Variants in FANCD2OS observed in about 807,000 individuals in gnomAD.
FANCD2OS encodes the protein FANCD2 opposite strand protein.
FANCD2OS carries 11 observed loss-of-function variants against 13.2 expected under a neutral mutation model. That is an observed-to-expected ratio of 0.83 (90% CI 0.52 to 1.38). FANCD2OS has a LOEUF of 1.38. Among genes scored for constraint, FANCD2OS ranks in the 40% most tolerant of loss-of-function variants. The pLI is 0.00. For synonymous variants in FANCD2OS, 69 were observed against 84.5 expected (o/e 0.82, Z 1.01); for missense variants, 217 against 213.9 (o/e 1.01, Z -0.09).
Position 10,095,321 on chromosome 3 carries a change from T to G in FANCD2OS, c.*43+8877A>C, listed in dbSNP as rs754430808. On this transcript the variant is annotated intron_variant, in intron 2 of 2. Transcript: ENST00000524279. ...ATCAGCAGCCTGCCTGTTGGCTTAA[T>G]CTGCAGTTGCTATTGGGGGATCCAT... is the stretch of plus-strand genomic sequence containing the variant. 22 of 1,484,672 alleles carry G rather than the reference T, an allele frequency of 1.5e-5. No individual in the cohort carries two copies. The East Asian group carries it at 5.0e-4, about 34-fold the overall frequency. 92.0% of individuals were successfully genotyped at this position (1,484,672 alleles called of 1,614,324 possible). A position where few individuals can be genotyped will look rare whatever the true frequency, so the allele number is the denominator to read the frequency against.
downstream of FANCD2OS, chr3:10,101,374 CCT>C (rs376489415): frequency 5.2e-6 from 3 of 577,302 alleles, no homozygotes; most frequent in East Asian, 3.2e-5. Context: ...CTTTTTTGTT[CCT>C]CTTTTTTTTT....
chr3:10,084,566 C>T (rs1694064922), intron 2 of FANCD2OS, among the ~76,000 whole-genome samples: 1 of 152,214 alleles, frequency 6.6e-6, no homozygotes, highest in African/African-American at 2.4e-5. Flanking sequence ...TCCCAAAGTG[C>T]TGGCATTAGA....
At chr3:10,084,437 G>A (rs1575832685) in intron 2 of FANCD2OS, among the ~76,000 whole-genome samples, 1 of 151,650 alleles carries the variant, frequency 6.6e-6, no homozygotes, top group Admixed American at 6.6e-5. Context: ...CTGCAGGCAT[G>A]TACCACCATG....
At chr3:10,099,392 G>A (rs1575879785), downstream of FANCD2OS, 7 of 1,070,494 alleles carry the variant, frequency 6.5e-6, no homozygotes, top group South Asian at 1.7e-4. Context: ...TGAGGCCAAG[G>A]TAGGAGGATT....
intron 2 of FANCD2OS, among the ~76,000 whole-genome samples, chr3:10,087,670 CAG>C (rs1694301441): frequency 6.0e-5 from 9 of 151,234 alleles, no homozygotes; most frequent in Admixed American, 4.6e-4. Context: ...TTTTTTGAGA[CAG>C]AGTCTCGTTC....
intron 1 of FANCD2OS, among the ~76,000 whole-genome samples, chr3:10,105,766 AAAAAATTATATATATATATAT>A (rs1419606717): frequency 1.0e-4 from 6 of 58,720 alleles, no homozygotes; most frequent in African/African-American, 7.3e-4. Context: ...AAAAAAAAAA[AAAAAATTATATATATATATAT>A]ATATATATAT....
downstream of FANCD2OS, chr3:10,101,439 G>T: frequency 3.6e-6 from 2 of 561,858 alleles, no homozygotes; most frequent in Non-Finnish European, 6.3e-6. Context: ...AGGCTGGAGT[G>T]CAGTGCTGCA....
downstream of FANCD2OS, chr3:10,103,056 A>G (rs940092392): frequency 1.4e-4 from 64 of 442,778 alleles, 1 homozygote; most frequent in Admixed American, 1.6e-3. Flanking sequence ...CAGGAGTTCA[A>G]GACCAGCTTG....
Position 10,081,522 on chromosome 3 carries a change from C to A in FANCD2OS, c.*53G>T. On this transcript the variant is annotated 3_prime_UTR_variant, in exon 3 of 3. Coordinates refer to the FANCD2OS transcript ENST00000524279. ...TATATACTTGCTTTTATTTGACAGT[C>A]ACCAAGGCACTGAAATGTAGAAAAG... 3 of 1,119,288 alleles carry A rather than the reference C, an allele frequency of 2.7e-6. No individual in the cohort carries two copies. In the South Asian group the frequency reaches 3.7e-5, roughly 14 times the overall value. 69.3% of individuals were successfully genotyped at this position (1,119,288 alleles called of 1,614,324 possible).
rs1694754507 is a variant in FANCD2OS, at chr3:10,093,194, A to G, written c.*43+11004T>C. The G allele has an allele frequency of 4.4e-6, 4 of 915,566 alleles. No individual in the cohort carries two copies. The African/African-American group carries it at 4.9e-5, about 11-fold the overall frequency. The allele number at this position is 915,566 out of a possible 1,614,324, so 56.7% of individuals were successfully genotyped here. ...CCTCCATTTTAGAATTCTCTGCAGC[A>G]CCCAAAGCTGTGCTTTGCGCAGCGG... On this transcript the variant is annotated intron_variant, in intron 2 of 2. Coordinates refer to the FANCD2OS transcript ENST00000524279.
intron 2 of FANCD2OS, among the ~76,000 whole-genome samples, chr3:10,092,416 C>G (rs35771188): frequency 1.9e-3 from 286 of 149,022 alleles, no homozygotes; most frequent in African/African-American, 7.0e-3. Context: ...TGGATAACCC[C>G]TTTTCTCACT....
At chr3:10,082,713 C>T (rs1210034608) in intron 2 of FANCD2OS, among the ~76,000 whole-genome samples, 1 of 152,148 alleles carries the variant, frequency 6.6e-6, no homozygotes, top group African/African-American at 2.4e-5. Flanking sequence ...AAGCATCCAT[C>T]CTGCCTCTCT....
At chr3:10,095,078 T>G (rs1192664159) in intron 2 of FANCD2OS, 1 of 796,438 alleles carries the variant, frequency 1.3e-6, no homozygotes, top group African/African-American at 1.7e-5. Flanking sequence ...TTAAGATGAT[T>G]ATCAGCATAG....
chr3:10,086,055 A>G (rs1694179744), intron 2 of FANCD2OS: 20 of 698,890 alleles, frequency 2.9e-5, no homozygotes, highest in South Asian at 2.6e-4. Context: ...CTCTCCTCAT[A>G]TATGAGCTTT....
rs9856270 is a variant in FANCD2OS at position 10,088,151 on chromosome 3, C to G, written c.*44-6620G>C. Among the ~76,000 whole-genome samples, 4,698 of 152,208 alleles carry G rather than the reference C, an allele frequency of 0.031. 246 individuals are homozygous for G. Among genetic ancestry groups the G allele is most frequent in the African/African-American group, 0.11 (4,458 of 41,502 alleles). On this transcript the variant is annotated intron_variant, in intron 2 of 2. Coordinates refer to the FANCD2OS transcript ENST00000524279. ...GGAACAAGATTGGCCTTCCCACTGCCCAGCAGCATTCCTTTTCTCTGTGTG... is the reference window on the plus strand; with the variant it reads ...GGAACAAGATTGGCCTTCCCACTGCGCAGCAGCATTCCTTTTCTCTGTGTG...
intron 2 of FANCD2OS, among the ~76,000 whole-genome samples, chr3:10,097,344 G>A (rs902599942): frequency 6.6e-6 from 1 of 152,148 alleles, no homozygotes; most frequent in Non-Finnish European, 1.5e-5. Flanking sequence ...AGCGCTATAG[G>A]AGACTGGAGT....
intron 2 of FANCD2OS, chr3:10,094,443 G>T (rs559937725): frequency 1.6e-6 from 2 of 1,225,014 alleles, no homozygotes; most frequent in Non-Finnish European, 2.4e-6. Flanking sequence ...CCTGGGTGGG[G>T]CTGGGAGTGT....
At chr3:10,086,594 G>A (rs1370552729) in intron 2 of FANCD2OS, among the ~76,000 whole-genome samples, 3 of 151,990 alleles carry the variant, frequency 2.0e-5, no homozygotes, top group East Asian at 1.9e-4. Context: ...TGATTGTACT[G>A]CCTCAGCCTC....
chr3:10,096,315 T>C, intron 2 of FANCD2OS: 1 of 1,613,880 alleles, frequency 6.2e-7, no homozygotes, highest in East Asian at 2.2e-5. Context: ...ATGTTATTTA[T>C]TTCCATTCAG....
Sources: allele counts gnomAD v4.1 joint callset (sites outside exome capture counted in the v4.1 genomes callset), GRCh38; gene constraint gnomAD v4.1.1; transcripts MANE v1.5; gene names NCBI Gene and HGNC (gene_info 2026-07-23, HGNC 2026-07-21).